ABCA4: variants seen among roughly 807,000 people sequenced by gnomAD.
ABCA4 encodes retinal-specific phospholipid-transporting ATPase ABCA4.
ABCA4 carries 196 observed loss-of-function variants against 263.7 expected under a neutral mutation model. That is an observed-to-expected ratio of 0.74 (90% CI 0.66 to 0.84). The LOEUF (loss-of-function observed/expected upper bound fraction) is 0.84, where lower values mean the gene tolerates loss of function less well. ABCA4 is among the 40% of genes least tolerant of loss of function. ABCA4 has a pLI of 0.00. For synonymous variants in ABCA4, 1,133 were observed against 1,094.2 expected, an observed-to-expected ratio of 1.04 and a Z score of -0.70; for missense variants, 2,792 against 2,855.1, an observed-to-expected ratio of 0.98 and a Z score of 0.50.
chr1:94,033,378 C>T lies in ABCA4; in HGVS notation c.3863-1335G>A, dbSNP rs116788405. On this transcript the variant is annotated intron_variant, in intron 26 of 49. Transcript: ENST00000370225. ...GGTCAAGGCTGCAGTGAGCTATGAT[C>T]GAGCCGCTGTATTCCAGCCTGGGTG... Among the ~76,000 whole-genome samples the T allele has an allele frequency of 5.6e-3, 810 of 144,870 alleles. 8 individuals carry two copies. Among genetic ancestry groups the T allele is most frequent in the African/African-American group, 0.02 (767 of 38,962 alleles).
Position 94,103,133 on chromosome 1 carries a change from A to G in ABCA4, c.452T>C (p.Ile151Thr), listed in dbSNP as rs1012017728. The G allele has an allele frequency of 6.2e-7, 1 of 1,614,054 alleles. No individual in the cohort carries two copies. The highest frequency in any genetic ancestry group is 8.5e-7 in the Non-Finnish European group (1 of 1,179,964). ...ATCTTTCAAGATATCCCTTATTCGT[A>G]TTCCTCTTCCTACATATGAATAAGA... ...THPERIAGRG[I>T]RIRDILKDEE... Residue 151 changes from isoleucine (I) to threonine (T), a missense_variant, in exon 5 of 50, where the codon ATA becomes ACA. By Grantham distance (89) the Ile-to-Thr change is moderately conservative. Transcript: ENST00000370225.
In ABCA4 at chr1:94,046,972, C is replaced by G. The variant is rs1553191096; in HGVS notation, c.2865G>C (p.Glu955Asp). 6.2e-7 allele frequency: 1 copy of G among 1,614,146 alleles called. No homozygotes were observed. The highest frequency in any genetic ancestry group is 1.7e-5 in the Admixed American group (1 of 60,016). The change falls in exon 19 of 50, where the codon GAG becomes GAC. Residue 955 changes from glutamate to aspartate, a missense_variant. Glu to Asp is a conservative substitution (Grantham distance 45, BLOSUM62 2). Coordinates refer to ENST00000370225, the MANE Select transcript of ABCA4 (RefSeq NM_000350.3). The stretch of plus-strand genomic sequence containing the variant: ...GGCCCAGGAATGCGGTGATCTGGTT[C>G]TCGTAGAAGGTGATGTTCAGACGGT... ...AVDRLNITFY[E>D]NQITAFLGHN... is the part of the protein sequence containing the mutation.
chr1:94,076,337 G>A (rs1661535718), intron 11 of ABCA4, among the ~76,000 whole-genome samples: 1 of 152,292 alleles, frequency 6.6e-6, no homozygotes, highest in African/African-American at 2.4e-5. Flanking sequence ...AGAGGAGAGG[G>A]CCTGGCCAGA....
chr1:94,031,089 G>A lies in ABCA4; in HGVS notation c.4160C>T (p.Ala1387Val), dbSNP rs576119077. The change falls in exon 28 of 50, where the codon GCT (alanine) becomes GTT (valine). Residue 1387 changes from alanine to valine, a missense_variant. Physicochemically the swap from Ala to Val is moderately conservative, Grantham distance 64 (BLOSUM62 0). Transcript: ENST00000370225. The part of the protein sequence containing the change: ...IVLPATFVFL[A>V]LMLSIVIPPF... Reference sequence around the variant, plus strand: ...AGGGATAACAATAGAAAGCATCAGAGCCAAAAACACAAAGGTAGCCGGGAG... The same window carrying A: ...AGGGATAACAATAGAAAGCATCAGAACCAAAAACACAAAGGTAGCCGGGAG... 6.2e-7 allele frequency: 1 copy of A among 1,614,120 alleles called. No homozygotes were observed. Among genetic ancestry groups the A allele is most frequent in the African/African-American group, 1.3e-5 (1 of 75,050 alleles).
At chr1:94,064,937 G>C (rs1044928101) in intron 11 of ABCA4, among the ~76,000 whole-genome samples, 1 of 152,080 alleles carries the variant, frequency 6.6e-6, no homozygotes, top group South Asian at 2.1e-4. Context: ...AGTGGAGAGG[G>C]GGGAAAGCAA....
intron 26 of ABCA4, among the ~76,000 whole-genome samples, chr1:94,033,851 C>T (rs545807240): frequency 1.1e-4 from 17 of 152,240 alleles, no homozygotes; most frequent in East Asian, 5.8e-4. Context: ...TCTCCTGATC[C>T]GGGCTCAGAT....
At chr1:94,026,998 GAA>G (rs1660057977) in intron 30 of ABCA4, among the ~76,000 whole-genome samples, 2 of 151,942 alleles carry the variant, frequency 1.3e-5, no homozygotes. Context: ...GAAAGAGTGA[GAA>G]AGAGTGAGAG....
chr1:93,997,399 A>G, intron 48 of ABCA4, among the ~76,000 whole-genome samples: 1 of 150,436 alleles, frequency 6.6e-6, no homozygotes, highest in Non-Finnish European at 1.5e-5. Context: ...ATGGGACCAC[A>G]GGCATGCACC....
Position 94,056,661 on chromosome 1 carries a change from C to G in ABCA4, c.2322G>C (p.Leu774=), listed in dbSNP as rs1246077442. Residue 774 remains leucine, a synonymous_variant, in exon 15 of 50, where the codon CTG becomes CTC. Coordinates refer to ENST00000370225, the MANE Select transcript of ABCA4 (RefSeq NM_000350.3). ...GCCAGGCGAAGCACAGGATGTGTGG[C>G]AGGTAGAGGGTGAAATAGATGACAC... The part of the protein sequence containing the change: ...CSGVIYFTLY[L]PHILCFAWQD... 1 of 1,614,030 alleles carries G rather than the reference C, an allele frequency of 6.2e-7. No individual in the cohort carries two copies. Among genetic ancestry groups the G allele is most frequent in the South Asian group, 1.1e-5 (1 of 91,068 alleles).
intron 11 of ABCA4, among the ~76,000 whole-genome samples, chr1:94,063,788 G>A (rs569942091): frequency 6.6e-6 from 1 of 152,310 alleles, no homozygotes; most frequent in South Asian, 2.1e-4. Flanking sequence ...AGGATGGCCA[G>A]CTGAGGGAAG....
At chr1:94,116,966 T>TTCTC (rs60374748) in intron 1 of ABCA4, among the ~76,000 whole-genome samples, 8 of 101,708 alleles carry the variant, frequency 7.9e-5, no homozygotes, top group African/African-American at 2.5e-4. Context: ...CTTTCTTTCT[T>TTCTC]TCTCTTTCTT....
intron 2 of ABCA4, among the ~76,000 whole-genome samples, chr1:94,112,007 C>T (rs1053956256): frequency 1.2e-4 from 18 of 152,158 alleles, no homozygotes; most frequent in African/African-American, 4.1e-4. Flanking sequence ...GTTATGGGCT[C>T]CTCGGGGAGA....
intron 38 of ABCA4, 94 bp from the exon 39 acceptor site, chr1:94,011,479 AG>A: frequency 6.3e-7 from 1 of 1,590,122 alleles, no homozygotes; most frequent in Non-Finnish European, 8.6e-7. Context: ...AGGACAGCAC[AG>A]GGCAAGGCCT....
chr1:94,005,899 T>C (rs1659365571), intron 43 of ABCA4, among the ~76,000 whole-genome samples: 1 of 152,154 alleles, frequency 6.6e-6, no homozygotes, highest in Admixed American at 6.5e-5. Flanking sequence ...TTTAAGAAAA[T>C]GATTCATGAT....
intron 27 of ABCA4, 91 bp downstream of exon 27, chr1:94,031,687 A>G: frequency 6.5e-7 from 1 of 1,548,840 alleles, no homozygotes; most frequent in Non-Finnish European, 8.8e-7. Flanking sequence ...TTGCTGAGTT[A>G]TAACCCATGC....
At chr1:94,028,930 A>AAAAAAAAAAAAAAAAAAAC (rs35998587) in intron 30 of ABCA4, among the ~76,000 whole-genome samples, 1 of 108,032 alleles carries the variant, frequency 9.3e-6, no homozygotes, top group African/African-American at 3.8e-5. Flanking sequence ...AAAAAAAAAA[A>AAAAAAAAAAAAAAAAAAAC]GAAATTCAAA....
chr1:94,083,084 T>A (rs1003922166), intron 7 of ABCA4, among the ~76,000 whole-genome samples: 8 of 152,254 alleles, frequency 5.3e-5, no homozygotes, highest in Non-Finnish European at 7.3e-5. Flanking sequence ...AGTCTTCTGA[T>A]GATTTATGCC....
intron 6 of ABCA4, among the ~76,000 whole-genome samples, chr1:94,092,749 G>A (rs1054116857): frequency 6.6e-6 from 1 of 152,156 alleles, no homozygotes; most frequent in Non-Finnish European, 1.5e-5. Context: ...AAGCAAAACT[G>A]AGCTTGGAAT....
chr1:94,016,288 C>G (rs137936024), intron 36 of ABCA4, among the ~76,000 whole-genome samples: 13 of 152,178 alleles, frequency 8.5e-5, no homozygotes, highest in African/African-American at 2.9e-4. Flanking sequence ...AGAAAGGGGA[C>G]GGCAACAGTG....
Sources: allele counts gnomAD v4.1 joint callset (sites outside exome capture counted in the v4.1 genomes callset), GRCh38; gene constraint gnomAD v4.1.1; transcripts MANE v1.5; gene names NCBI Gene and HGNC (gene_info 2026-07-23, HGNC 2026-07-21).